IRF2: variants seen among roughly 807,000 people sequenced by gnomAD.
IRF2 encodes interferon regulatory factor 2.
In IRF2, 15 loss-of-function variants were observed where a neutral mutation model predicts 40.6. The observed-to-expected ratio is 0.37, with a 90% CI of 0.25 to 0.57. IRF2 has a LOEUF of 0.57. IRF2 is among the 20% of genes least tolerant of loss of function. The pLI, the probability that IRF2 is intolerant of heterozygous loss-of-function variation, is 0.77. For missense variants in IRF2, 317 were observed against 455.7 expected, an observed-to-expected ratio of 0.70 and a Z score of 2.77; for synonymous variants, 151 against 165.5, an observed-to-expected ratio of 0.91 and a Z score of 0.67.
Position 184,417,443 on chromosome 4 carries a change from G to A in IRF2, c.411+724C>T, listed in dbSNP as rs115536472. 3.9e-3 allele frequency among the ~76,000 whole-genome samples: 589 copies of A among 152,326 alleles called. 1 individual carries two copies. The highest frequency in any genetic ancestry group is 0.012 in the African/African-American group (507 of 41,560). ...CTCTGAGATCCCTGGGTCTGTGACC[G>A]CAGTGTATGCTCTCTGCTCAGCCAC... On this transcript the variant is annotated intron_variant, in intron 5 of 8. Transcript: ENST00000393593.
At chr4:184,397,555 C>A (rs1736514412) in intron 7 of IRF2, among the ~76,000 whole-genome samples, 1 of 151,958 alleles carries the variant, frequency 6.6e-6, no homozygotes, top group Admixed American at 6.6e-5. Flanking sequence ...AGTTGGCATT[C>A]AGGGAAAATG....
intron 1 of IRF2, among the ~76,000 whole-genome samples, chr4:184,464,697 CT>C (rs1486891297): frequency 6.6e-6 from 1 of 152,126 alleles, no homozygotes; most frequent in Non-Finnish European, 1.5e-5. Context: ...ACGTATCTCC[CT>C]AGGCATGTGT....
chr4:184,444,311 C>T (rs1044010246), intron 1 of IRF2, among the ~76,000 whole-genome samples: 2 of 152,176 alleles, frequency 1.3e-5, no homozygotes, highest in African/African-American at 4.8e-5. Flanking sequence ...TCACCATCTC[C>T]ACAACTGTAG....
intron 7 of IRF2, among the ~76,000 whole-genome samples, chr4:184,395,412 C>CAAAAAAAAAA (rs34566726): frequency 3.0e-5 from 2 of 67,098 alleles, no homozygotes; most frequent in African/African-American, 5.8e-5. Flanking sequence ...GACTCCGTCT[C>CAAAAAAAAAA]AAAAAAAAAA....
intron 7 of IRF2, among the ~76,000 whole-genome samples, chr4:184,394,280 G>A (rs1439556934): frequency 6.6e-6 from 1 of 152,154 alleles, no homozygotes; most frequent in African/African-American, 2.4e-5. Flanking sequence ...GGTGACACTG[G>A]TTGTAGGTTC....
intron 1 of IRF2, among the ~76,000 whole-genome samples, chr4:184,437,714 GGGAAAA>G (rs1420846178): frequency 3.9e-5 from 6 of 151,908 alleles, no homozygotes; most frequent in Admixed American, 1.3e-4. Flanking sequence ...TGCACGACTT[GGGAAAA>G]GCCATGCTTC....
intron 7 of IRF2, among the ~76,000 whole-genome samples, chr4:184,391,826 T>C (rs1466991366): frequency 6.6e-6 from 1 of 152,244 alleles, no homozygotes; most frequent in Non-Finnish European, 1.5e-5. Context: ...TGTGAGACAC[T>C]GGGCAAGTTT....
Position 184,429,092 on chromosome 4 carries a change from G to A in IRF2, c.-6-22C>T, listed in dbSNP as rs181641696. ...TGCCCTTGAGGGAGAGAAACACAGC[G>A]TCAGGCGTTGGTGCCACTCAGTGTG... is the stretch of plus-strand genomic sequence containing the variant. On this transcript the variant is annotated intron_variant, in intron 1 of 8. Transcript: ENST00000393593. 176 of 1,594,236 alleles carry A rather than the reference G, an allele frequency of 1.1e-4. 1 individual carries two copies. The highest frequency in any genetic ancestry group is 1.0e-3 in the Middle Eastern group (6 of 6,028).
chr4:184,412,005 TAAAAA>T (rs35183333), intron 5 of IRF2, among the ~76,000 whole-genome samples: 5 of 95,238 alleles, frequency 5.3e-5, no homozygotes, highest in African/African-American at 1.8e-4. Flanking sequence ...CTCCAAAGAT[TAAAAA>T]AAAAAAAAAA....
At chr4:184,421,914 G>C (rs1319844543) in intron 2 of IRF2, among the ~76,000 whole-genome samples, 1 of 152,210 alleles carries the variant, frequency 6.6e-6, no homozygotes, top group Non-Finnish European at 1.5e-5. Flanking sequence ...TTGATCGCTA[G>C]TGTTGCAGGT....
rs2149890029 is a variant in IRF2, at chr4:184,390,731, C to T, written c.713G>A (p.Ser238Asn). Residue 238 changes from serine to asparagine, a missense_variant, in exon 8 of 9, where the codon AGT becomes AAT. Transcript: ENST00000393593. ...SSYAESETTD[S>N]VPSDEESAEG... ...GGCACTCTCTTCATCGCTGGGCACA[C>T]TATCAGTCGTTTCGCTTTCTGTTCA... 1 of 1,614,216 alleles carries T rather than the reference C, an allele frequency of 6.2e-7. No homozygotes were observed. The highest frequency in any genetic ancestry group is 8.5e-7 in the Non-Finnish European group (1 of 1,180,042).
intron 5 of IRF2, among the ~76,000 whole-genome samples, chr4:184,410,038 C>A (rs1254922333): frequency 6.6e-6 from 1 of 152,168 alleles, no homozygotes; most frequent in Non-Finnish European, 1.5e-5. Flanking sequence ...GTCTGCCTTT[C>A]CGGACTTCGC....
chr4:184,409,622 C>T (rs948063338), intron 5 of IRF2, among the ~76,000 whole-genome samples: 2 of 152,152 alleles, frequency 1.3e-5, no homozygotes, highest in African/African-American at 2.4e-5. Context: ...GGGCCAAGCA[C>T]GGTGGCTCAC....
Position 184,388,854 on chromosome 4 carries a change from G to A in IRF2, c.954C>T (p.Thr318=). 1 of 1,614,098 alleles carries A rather than the reference G, an allele frequency of 6.2e-7. No homozygotes were observed. Among genetic ancestry groups the A allele is most frequent in the South Asian group, 1.1e-5 (1 of 91,078 alleles). The stretch of plus-strand genomic sequence containing the variant: ...CTGGCCGACTGCTGCTGGATGCTGG[G>A]GTCATGGAGGAAGAAAGGGGGAGGT... ...FQDLPLSSSM[T]PASSSSRPDR... is the part of the protein sequence containing the mutation. The change falls in exon 9 of 9, where the codon ACC becomes ACT. Residue 318 remains threonine, a synonymous_variant. Transcript: ENST00000393593. This position sits in a 1 kb window ranked among gnomAD's most constrained non-coding sequence, Gnocchi z 4.6.
At chr4:184,390,017 A>G (rs965070449) in intron 8 of IRF2, among the ~76,000 whole-genome samples, 2 of 152,162 alleles carry the variant, frequency 1.3e-5, no homozygotes, top group Admixed American at 1.3e-4. Context: ...GTCTTTTCAG[A>G]ATCCCTGCAC....
intron 1 of IRF2, among the ~76,000 whole-genome samples, chr4:184,435,459 A>G (rs1561111217): frequency 6.6e-6 from 1 of 152,208 alleles, no homozygotes; most frequent in African/African-American, 2.4e-5. Flanking sequence ...ATGGTACAGT[A>G]GGTAATTCAG....
intron 1 of IRF2, among the ~76,000 whole-genome samples, chr4:184,467,381 T>C (rs1739365343): frequency 6.6e-6 from 1 of 152,126 alleles, no homozygotes; most frequent in African/African-American, 2.4e-5. Context: ...CCCCCAACTC[T>C]CACTTTCCAC....
At chr4:184,390,829 G>A (rs1736234888) in intron 7 of IRF2, 80 bp from the exon 8 acceptor site, 3 of 1,456,250 alleles carry the variant, frequency 2.1e-6, no homozygotes, top group Non-Finnish European at 2.9e-6. Context: ...TTTATAAAAA[G>A]GAGACTGAGT....
At chr4:184,436,407 G>A (rs1372550001) in intron 1 of IRF2, among the ~76,000 whole-genome samples, 1 of 151,966 alleles carries the variant, frequency 6.6e-6, no homozygotes, top group Non-Finnish European at 1.5e-5. Context: ...CTACCCTCAA[G>A]GAACAAATAA....
Sources: allele counts gnomAD v4.1 joint callset (sites outside exome capture counted in the v4.1 genomes callset), GRCh38; gene constraint gnomAD v4.1.1; non-coding constraint Gnocchi (gnomAD v3.1); transcripts MANE v1.5; gene names NCBI Gene and HGNC (gene_info 2026-07-23, HGNC 2026-07-21).